TET1: variants seen among roughly 807,000 people sequenced by gnomAD.
The protein encoded by TET1 is methylcytosine dioxygenase TET1.
In TET1, 13 loss-of-function variants were observed where a neutral mutation model predicts 148.7. The ratio of observed to expected loss-of-function variants is 0.09; its 90% CI spans 0.06 to 0.14. The LOEUF (loss-of-function observed/expected upper bound fraction) is 0.14, where lower values mean the gene tolerates loss of function less well. Among genes scored for constraint, TET1 ranks in the 10% least tolerant of loss-of-function variants. TET1 has a pLI of 1.00. For synonymous variants in TET1, 907 were observed against 937.2 expected (o/e 0.97, Z 0.59); for missense variants, 2,182 against 2,553.8 (o/e 0.85, Z 3.14).
chr10:68,685,576 T>C (rs773961394), intron 10 of TET1, among the ~76,000 whole-genome samples: 8 of 152,102 alleles, frequency 5.3e-5, no homozygotes, highest in Non-Finnish European at 1.0e-4. Flanking sequence ...AGTTTTATAA[T>C]AAAATGTTAG....
chr10:68,569,052 T>A (rs1204054246), intron 1 of TET1, among the ~76,000 whole-genome samples: 1 of 151,990 alleles, frequency 6.6e-6, no homozygotes, highest in East Asian at 1.9e-4. Flanking sequence ...AATTTGTCAA[T>A]ACTGTCTCCT....
At chr10:68,599,073 A>G (rs2054021895) in intron 2 of TET1, among the ~76,000 whole-genome samples, 1 of 152,202 alleles carries the variant, frequency 6.6e-6, no homozygotes, top group South Asian at 2.1e-4. Flanking sequence ...AAAACAACGC[A>G]TGCCGGACTT....
At chr10:68,563,070 G>A (rs2053571634) in intron 1 of TET1, among the ~76,000 whole-genome samples, 1 of 151,724 alleles carries the variant, frequency 6.6e-6, no homozygotes, top group African/African-American at 2.4e-5. Context: ...CCTGTTGTGT[G>A]TTATGTCTTT....
At chr10:68,676,023 T>A (rs2055343866) in intron 8 of TET1, among the ~76,000 whole-genome samples, 1 of 151,250 alleles carries the variant, frequency 6.6e-6, no homozygotes, top group African/African-American at 2.4e-5. Context: ...GCCTGGCTAA[T>A]TTTTGGTATT....
At position 68,645,136 on chromosome 10, in the gene TET1, G is replaced by C; in HGVS notation, c.2407G>C (p.Ala803Pro). 6.2e-7 allele frequency: 1 copy of C among 1,613,874 alleles called. No individual in the cohort carries two copies. Among genetic ancestry groups the C allele is most frequent in the Non-Finnish European group, 8.5e-7 (1 of 1,179,814 alleles). ...AAAAGACACTGCAAACCATAAAAAC[G>C]CTATGAGCTCTGTTGCTACTGATAT... ...FLKDTANHKN[A>P]MSSVATDMSC... The change falls in exon 4 of 12, where the codon GCT (alanine) becomes CCT (proline). Residue 803 changes from alanine (A) to proline (P), a missense_variant. Physicochemically the swap from Ala to Pro is conservative, Grantham distance 27. Transcript: ENST00000373644.
At chr10:68,603,727 C>A in intron 3 of TET1, among the ~76,000 whole-genome samples, 1 of 152,208 alleles carries the variant, frequency 6.6e-6, no homozygotes, top group East Asian at 1.9e-4. Flanking sequence ...GCTATAATCA[C>A]ATGAGCTATA....
At chr10:68,565,091 A>G (rs1460127006) in intron 1 of TET1, among the ~76,000 whole-genome samples, 1 of 152,164 alleles carries the variant, frequency 6.6e-6, no homozygotes, top group East Asian at 1.9e-4. Flanking sequence ...GAAAAATGGA[A>G]GTAGAATTAG....
At chr10:68,619,226 C>T (rs1365443150) in intron 3 of TET1, among the ~76,000 whole-genome samples, 1 of 151,948 alleles carries the variant, frequency 6.6e-6, no homozygotes, top group Non-Finnish European at 1.5e-5. Flanking sequence ...ATGTGTCCAC[C>T]CCTTCCGTTA....
chr10:68,568,790 G>A (rs1223432933), intron 1 of TET1, among the ~76,000 whole-genome samples: 4 of 152,244 alleles, frequency 2.6e-5, no homozygotes, highest in East Asian at 1.9e-4. Context: ...GGTTGAGGCT[G>A]TAGTGAGCTG....
At chr10:68,628,260 T>C (rs1305765172) in intron 3 of TET1, among the ~76,000 whole-genome samples, 2 of 152,224 alleles carry the variant, frequency 1.3e-5, no homozygotes, top group African/African-American at 4.8e-5. Context: ...ATGACAGTTT[T>C]TTAACAAAAC....
chr10:68,686,956 T>C (rs1328615174), intron 11 of TET1, among the ~76,000 whole-genome samples: 1 of 151,762 alleles, frequency 6.6e-6, no homozygotes, highest in Non-Finnish European at 1.5e-5. Flanking sequence ...GGCGCAATCT[T>C]GGCTCACTGC....
chr10:68,599,725 G>A (rs946176760), intron 2 of TET1, among the ~76,000 whole-genome samples: 1 of 152,228 alleles, frequency 6.6e-6, no homozygotes, highest in Non-Finnish European at 1.5e-5. Context: ...GGATATAGAT[G>A]CTCAGTGACA....
intron 4 of TET1, among the ~76,000 whole-genome samples, chr10:68,647,366 G>C (rs1270946719): frequency 6.6e-6 from 1 of 152,178 alleles, no homozygotes; most frequent in Non-Finnish European, 1.5e-5. Context: ...CATTTTGGGA[G>C]GCCGAGTCAG....
chr10:68,596,756 A>G (rs2053993441), intron 2 of TET1, among the ~76,000 whole-genome samples: 1 of 152,312 alleles, frequency 6.6e-6, no homozygotes, highest in South Asian at 2.1e-4. Context: ...GTTAGTTCTG[A>G]TCACATTCAT....
intron 3 of TET1, among the ~76,000 whole-genome samples, chr10:68,627,964 G>A (rs980859485): frequency 2.0e-5 from 3 of 151,976 alleles, no homozygotes; most frequent in East Asian, 1.9e-4. Flanking sequence ...AAGCACTGCC[G>A]TGCCCGGCCC....
chr10:68,667,404 A>G, intron 7 of TET1, 148 bp downstream of exon 7: 2 of 744,228 alleles, frequency 2.7e-6, no homozygotes, highest in Non-Finnish European at 4.3e-6. Context: ...TTCTGTAAAG[A>G]GAGAGTCTCT....
Position 68,573,838 on chromosome 10 carries a change from G to A in TET1, c.1500G>A (p.Glu500=), listed in dbSNP as rs766946348. 6 of 1,613,924 alleles carry A rather than the reference G, an allele frequency of 3.7e-6. No homozygotes were observed. In the African/African-American group the frequency reaches 8.0e-5, roughly 22 times the overall value. The change falls in exon 2 of 12, where the codon GAG becomes GAA. Residue 500 remains glutamate (E), a synonymous_variant. Transcript: ENST00000373644. ...TGGCTATAAGCAATGTAGAAAATGAGAAGCAGGTTCATATAAGCTTCCTGC... is the reference window on the plus strand; with the variant it reads ...TGGCTATAAGCAATGTAGAAAATGAAAAGCAGGTTCATATAAGCTTCCTGC... The part of the protein sequence containing the change: ...PVMAISNVEN[E]KQVHISFLPA...
At position 68,572,876 on chromosome 10, in the gene TET1, T is replaced by G. The variant is rs775310665; in HGVS notation, c.538T>G (p.Leu180Val). 3.1e-6 allele frequency: 5 copies of G among 1,614,010 alleles called. No homozygotes were observed. The Admixed American group carries it at 8.3e-5, about 27-fold the overall frequency. Residue 180 changes from leucine to valine, a missense_variant, in exon 2 of 12, where the codon TTA becomes GTA. Leu to Val is a conservative substitution (Grantham distance 32). Around this residue, in one of 11 missense-constraint regions of TET1, gnomAD observed 665 missense variants for 672.4 expected, o/e 0.99. Coordinates refer to ENST00000373644, the MANE Select transcript of TET1 (RefSeq NM_030625.3). ...ETLIGVQNPS[L>V]LKGKSQETTQ... is the part of the protein sequence containing the mutation. ...TCTAATTGGTGTACAAAATCCCTCT[T>G]TACTTAAAGGTAAGAGCCAAGAGAC...
At chr10:68,655,897 G>C (rs974748315) in intron 6 of TET1, among the ~76,000 whole-genome samples, 2 of 152,110 alleles carry the variant, frequency 1.3e-5, no homozygotes, top group Non-Finnish European at 2.9e-5. Context: ...AGCTTCATCT[G>C]TATTTACAGC....
Sources: gnomAD v4.1 joint callset for allele counts (sites outside exome capture counted in the v4.1 genomes callset) on GRCh38, gnomAD v4.1.1 for gene constraint, gnomAD v4.1.1 regional missense constraint, MANE v1.5 for transcripts, NCBI Gene and HGNC (gene_info 2026-07-23, HGNC 2026-07-21) for gene names.